TOX: variants seen among roughly 807,000 people sequenced by gnomAD.
The protein encoded by TOX is thymocyte selection associated high mobility group box, also known as thymocyte selection-associated high mobility group box protein TOX.
A neutral mutation model predicts 53.7 loss-of-function variants in TOX; 11 were observed. That is an observed-to-expected ratio of 0.20 (90% CI 0.13 to 0.34). The LOEUF is 0.34. TOX is among the 10% of genes least tolerant of loss of function. The probability of loss-of-function intolerance (pLI) is 1.00; values close to 1 mark genes in which losing one functional copy is unlikely to be tolerated. For synonymous variants in TOX, 225 were observed against 245.3 expected, an observed-to-expected ratio of 0.92 and a Z score of 0.77; for missense variants, 570 against 664.6, an observed-to-expected ratio of 0.86 and a Z score of 1.56.
At chr8:58,854,269 T>C (rs1245593069) in intron 3 of TOX, among the ~76,000 whole-genome samples, 1 of 152,232 alleles carries the variant, frequency 6.6e-6, no homozygotes, top group Non-Finnish European at 1.5e-5. Flanking sequence ...ATGTCTGTAT[T>C]GAGCCCATTT....
At chr8:58,824,131 G>A (rs1159168135) in intron 6 of TOX, among the ~76,000 whole-genome samples, 2 of 152,136 alleles carry the variant, frequency 1.3e-5, no homozygotes, top group Non-Finnish European at 2.9e-5. Context: ...GAGGACTCAT[G>A]AGCAGCATGG....
rs1805148490 is a variant in TOX, at chr8:59,118,501, G to C, written c.102+385C>G. Among the ~76,000 whole-genome samples the C allele has an allele frequency of 6.6e-6, 1 of 152,120 alleles. No individual in the cohort carries two copies. Among genetic ancestry groups the C allele is most frequent in the Admixed American group, 6.5e-5 (1 of 15,276 alleles). On this transcript the variant is annotated intron_variant, in intron 1 of 8. Transcript: ENST00000361421. The surrounding 1 kb of genome is among the most constrained non-coding windows in gnomAD (Gnocchi z 4.1). ...CCCGGGGAGGGAGGGAGAGAGAAGG[G>C]GGAACTGGGAAATAAACTGAATTCT...
intron 1 of TOX, among the ~76,000 whole-genome samples, chr8:59,106,568 T>C (rs1001125124): frequency 6.6e-6 from 1 of 152,150 alleles, no homozygotes; most frequent in Non-Finnish European, 1.5e-5. Flanking sequence ...CCTTTCTCTT[T>C]TTGGAAAAAT....
chr8:59,098,204 A>G (rs955884366), intron 1 of TOX, among the ~76,000 whole-genome samples: 2 of 152,198 alleles, frequency 1.3e-5, no homozygotes, highest in Admixed American at 1.3e-4. Context: ...ACGCCAGAAC[A>G]GTAAGAGAGC....
intron 6 of TOX, among the ~76,000 whole-genome samples, chr8:58,819,560 T>C (rs1439666851): frequency 1.3e-5 from 2 of 152,226 alleles, no homozygotes; most frequent in East Asian, 3.8e-4. Context: ...GGGAGTTCCT[T>C]TGACATATGC....
chr8:58,994,843 C>T (rs1813528913), intron 1 of TOX, among the ~76,000 whole-genome samples: 2 of 152,178 alleles, frequency 1.3e-5, no homozygotes, highest in South Asian at 2.1e-4. Flanking sequence ...CGGCCTACTG[C>T]TCTGAAGACT....
At chr8:58,890,965 T>G (rs1487147756) in intron 3 of TOX, among the ~76,000 whole-genome samples, 1 of 152,096 alleles carries the variant, frequency 6.6e-6, no homozygotes. Context: ...TCCAACAGGA[T>G]CTTAGAGATC....
At chr8:58,980,451 T>C (rs1813182406) in intron 1 of TOX, among the ~76,000 whole-genome samples, 1 of 152,246 alleles carries the variant, frequency 6.6e-6, no homozygotes, top group Non-Finnish European at 1.5e-5. Context: ...ACACAGTGTC[T>C]TGAACCTACT....
At chr8:58,820,854 T>C (rs1208522906) in intron 6 of TOX, among the ~76,000 whole-genome samples, 1 of 152,190 alleles carries the variant, frequency 6.6e-6, no homozygotes, top group Non-Finnish European at 1.5e-5. Context: ...GAATATAAAT[T>C]CTGGTCTATG....
Position 59,005,551 on chromosome 8 carries a change from T to A in TOX, c.103-45543A>T, listed in dbSNP as rs115036542. Among the ~76,000 whole-genome samples, 898 of 152,308 alleles carry A rather than the reference T, an allele frequency of 5.9e-3. 4 individuals are homozygous for A. Among genetic ancestry groups the A allele is most frequent in the African/African-American group, 0.021 (858 of 41,556 alleles). On this transcript the variant is annotated intron_variant, in intron 1 of 8. Coordinates refer to ENST00000361421, the MANE Select transcript of TOX (RefSeq NM_014729.3). ...TACATTTGTTAAAATAGTAGCACAT[T>A]AACAATTTTAAAGAGTAAGAGTTAT...
At chr8:58,819,839 T>C (rs149985972) in intron 6 of TOX, among the ~76,000 whole-genome samples, 1 of 152,194 alleles carries the variant, frequency 6.6e-6, no homozygotes, top group African/African-American at 2.4e-5. Flanking sequence ...ATCAAATTAA[T>C]AGTCCATCTA....
chr8:58,843,111 T>C (rs1388474586), intron 4 of TOX, among the ~76,000 whole-genome samples: 2 of 152,230 alleles, frequency 1.3e-5, no homozygotes, highest in Admixed American at 6.5e-5. Flanking sequence ...GCCAGTCTTA[T>C]AAGATTATAT....
At chr8:58,836,606 C>T (rs915781270) in intron 5 of TOX, among the ~76,000 whole-genome samples, 1 of 151,972 alleles carries the variant, frequency 6.6e-6, no homozygotes, top group African/African-American at 2.4e-5. Flanking sequence ...TAGGGAAATA[C>T]GTAGAGATTT....
In TOX at chr8:59,114,173, A is replaced by G. The variant is rs2129425144; in HGVS notation, c.102+4713T>C. On this transcript the variant is annotated intron_variant, in intron 1 of 8. Transcript: ENST00000361421. ...AAACAAAATCCACAATAATCATTCA[A>G]TTAGATATTTACATATTAGTTTAGT... 2.6e-5 allele frequency among the ~76,000 whole-genome samples: 4 copies of G among 152,352 alleles called. No homozygotes were observed. In the South Asian group the frequency reaches 8.3e-4, roughly 32 times the overall value.
chr8:58,992,864 T>C (rs1813483155), intron 1 of TOX: 2 of 152,222 alleles, frequency 1.3e-5, no homozygotes, highest in Admixed American at 1.3e-4. Context: ...TTGCTGTTCA[T>C]TTGCTAACAC....
intron 1 of TOX, among the ~76,000 whole-genome samples, chr8:59,052,596 T>C (rs1803811502): frequency 6.6e-6 from 1 of 152,222 alleles, no homozygotes; most frequent in African/African-American, 2.4e-5. Context: ...AGCAATGGTC[T>C]TAGTTGAACT....
At chr8:58,834,717 G>A (rs1009484879) in intron 5 of TOX, among the ~76,000 whole-genome samples, 16 of 152,256 alleles carry the variant, frequency 1.1e-4, no homozygotes, top group South Asian at 4.1e-4. Flanking sequence ...TGGCCCAGCC[G>A]GTGCAATGTG....
chr8:58,998,901 A>G (rs969936660), intron 1 of TOX, among the ~76,000 whole-genome samples: 1 of 152,084 alleles, frequency 6.6e-6, no homozygotes, highest in Non-Finnish European at 1.5e-5. Context: ...TTTTTCCAAG[A>G]GAACACACTC....
intron 1 of TOX, among the ~76,000 whole-genome samples, chr8:59,014,167 T>C (rs748491361): frequency 4.6e-5 from 7 of 152,222 alleles, no homozygotes; most frequent in Non-Finnish European, 7.4e-5. Context: ...ATCAGTATAT[T>C]GAAAACAAGA....
Sources: gnomAD v4.1 joint callset for allele counts (sites outside exome capture counted in the v4.1 genomes callset) on GRCh38, gnomAD v4.1.1 for gene constraint, Gnocchi (gnomAD v3.1) non-coding constraint, MANE v1.5 for transcripts, NCBI Gene and HGNC (gene_info 2026-07-23, HGNC 2026-07-21) for gene names.